The following OSBPL1A variants were observed in gnomAD, a reference collection of about 807,000 sequenced individuals.
OSBPL1A encodes oxysterol-binding protein-related protein 1.
OSBPL1A carries 80 observed loss-of-function variants against 137.1 expected under a neutral mutation model. The ratio of observed to expected loss-of-function variants is 0.58; its 90% CI spans 0.49 to 0.70. OSBPL1A has a LOEUF of 0.70. Among genes scored for constraint, OSBPL1A ranks in the 30% least tolerant of loss-of-function variants. The probability of loss-of-function intolerance (pLI) is 0.00; values close to 1 mark genes in which losing one functional copy is unlikely to be tolerated. For missense variants in OSBPL1A, 970 were observed against 1,129.4 expected (o/e 0.86, Z 2.02); for synonymous variants, 365 against 389.7 (o/e 0.94, Z 0.75).
intron 15 of OSBPL1A, among the ~76,000 whole-genome samples, chr18:24,249,479 C>G (rs373124822): frequency 6.6e-6 from 1 of 152,182 alleles, no homozygotes; most frequent in South Asian, 2.1e-4. Flanking sequence ...AATCACAGCA[C>G]CTGATTTCAT....
At chr18:24,349,141 TGG>T (rs2091396817) in intron 4 of OSBPL1A, among the ~76,000 whole-genome samples, 1 of 152,024 alleles carries the variant, frequency 6.6e-6, no homozygotes, top group South Asian at 2.1e-4. Context: ...CCATCCAGCC[TGG>T]GAGACAGAGT....
intron 14 of OSBPL1A, among the ~76,000 whole-genome samples, chr18:24,288,761 TCTC>T: frequency 1.1e-5 from 1 of 89,818 alleles, no homozygotes; most frequent in African/African-American, 4.8e-5. Flanking sequence ...AGCAAGACTG[TCTC>T]AAAAAAAAAA....
chr18:24,387,194 A>G (rs1050567413), intron 1 of OSBPL1A, among the ~76,000 whole-genome samples: 1 of 152,058 alleles, frequency 6.6e-6, no homozygotes, highest in Non-Finnish European at 1.5e-5. Context: ...CTGAGACTAC[A>G]GGTGCACACA....
intron 7 of OSBPL1A, among the ~76,000 whole-genome samples, chr18:24,322,327 T>C (rs1347721305): frequency 6.6e-6 from 1 of 151,544 alleles, no homozygotes; most frequent in African/African-American, 2.4e-5. Context: ...TTCACTGTGT[T>C]AGCCAGGATG....
chr18:24,336,954 G>A (rs1400519046), intron 5 of OSBPL1A, among the ~76,000 whole-genome samples: 1 of 152,110 alleles, frequency 6.6e-6, no homozygotes, highest in Non-Finnish European at 1.5e-5. Flanking sequence ...TCTCCCTGCA[G>A]GTCATTTATT....
chr18:24,379,489 C>T (rs1350776655), intron 1 of OSBPL1A, among the ~76,000 whole-genome samples: 1 of 149,492 alleles, frequency 6.7e-6, no homozygotes, highest in Non-Finnish European at 1.5e-5. Flanking sequence ...CACTGCACTC[C>T]AGCCTGGGTG....
intron 14 of OSBPL1A, among the ~76,000 whole-genome samples, chr18:24,291,767 A>AG (rs1355001439): frequency 3.0e-5 from 3 of 101,620 alleles, no homozygotes; most frequent in African/African-American, 1.4e-4. Context: ...CTTGGGGGAC[A>AG]GGGAAAAAAA....
chr18:24,393,609 C>T lies in OSBPL1A; in HGVS notation c.-3+4046G>A, dbSNP rs925955863. Among the ~76,000 whole-genome samples the T allele has an allele frequency of 3.9e-5, 6 of 152,246 alleles. No homozygotes were observed. In the South Asian group the frequency reaches 6.2e-4, roughly 16 times the overall value. On this transcript the variant is annotated intron_variant, in intron 1 of 27. Coordinates refer to ENST00000319481, the MANE Select transcript of OSBPL1A (RefSeq NM_080597.4). ...CTGGGACTACAGCTGCCCGCCACCA[C>T]GCCTGGCTAATTTTTTGTAGTTTTT...
chr18:24,333,650 C>T lies in OSBPL1A; in HGVS notation c.481-564G>A, dbSNP rs184844499. Among the ~76,000 whole-genome samples, 28 of 152,280 alleles carry T rather than the reference C, an allele frequency of 1.8e-4. No individual in the cohort carries two copies. The East Asian group carries it at 4.2e-3, about 23-fold the overall frequency. On this transcript the variant is annotated intron_variant, in intron 6 of 27. Coordinates refer to ENST00000319481, the MANE Select transcript of OSBPL1A (RefSeq NM_080597.4). ...AATAACTTTAAAGCAAATGGCAGTG[C>T]TTCAGTCATGAATTCAGAACAAATT...
chr18:24,202,116 C>T (rs1286068974), intron 17 of OSBPL1A, among the ~76,000 whole-genome samples: 1 of 151,988 alleles, frequency 6.6e-6, no homozygotes, highest in African/African-American at 2.4e-5. Context: ...GGCAGGAGGT[C>T]GGGGAGGTGT....
At chr18:24,296,429 C>T (rs576762455) in intron 14 of OSBPL1A, among the ~76,000 whole-genome samples, 2 of 152,138 alleles carry the variant, frequency 1.3e-5, no homozygotes, top group South Asian at 4.1e-4. Flanking sequence ...TTTCTAGGTG[C>T]GTGATCATAT....
chr18:24,375,016 G>T (rs192431743), intron 2 of OSBPL1A, among the ~76,000 whole-genome samples: 2 of 151,948 alleles, frequency 1.3e-5, no homozygotes, highest in African/African-American at 4.8e-5. Flanking sequence ...TATCAAAAAG[G>T]CTACTAAAAA....
intron 6 of OSBPL1A, 46 bp from the exon 7 acceptor site, chr18:24,333,132 A>T: frequency 6.3e-7 from 1 of 1,587,962 alleles, no homozygotes; most frequent in Non-Finnish European, 8.6e-7. Flanking sequence ...TCAAAGATAG[A>T]CTTTCCTCTC....
chr18:24,356,983 A>T lies in OSBPL1A; in HGVS notation c.282+9909T>A, dbSNP rs1339203829. The T allele has an allele frequency of 5.3e-5, 8 of 152,296 alleles. No homozygotes were observed. The East Asian group carries it at 1.4e-3, about 26-fold the overall frequency. The allele number at this position is 152,296 out of a possible 1,614,324, so 9.4% of individuals were successfully genotyped here. ...CCTTTTCTATCCCTATTAGGAAAAA[A>T]AATCAAAGACAGTTTGGATTCACAT... On this transcript the variant is annotated intron_variant, in intron 4 of 27. Coordinates refer to ENST00000319481, the MANE Select transcript of OSBPL1A (RefSeq NM_080597.4).
At chr18:24,233,641 T>TTC (rs904878076) in intron 16 of OSBPL1A, among the ~76,000 whole-genome samples, 4 of 151,568 alleles carry the variant, frequency 2.6e-5, no homozygotes, top group African/African-American at 9.7e-5. Flanking sequence ...CTTTCTCTCT[T>TTC]TCTCTCTCTC....
Position 24,271,520 on chromosome 18 carries a change from C to A in OSBPL1A, c.1281+9322G>T. The A allele has an allele frequency of 1.0e-6, 1 of 975,900 alleles. No individual in the cohort carries two copies. The highest frequency in any genetic ancestry group is 1.2e-6 in the Non-Finnish European group (1 of 821,238). The allele number at this position is 975,900 out of a possible 1,614,324, so 60.5% of individuals were successfully genotyped here. A position where few individuals can be genotyped will look rare whatever the true frequency, so the allele number is the denominator to read the frequency against. ...CAACTATTCTTGGATCTACTCACATCCCTGGATCAAGTCTGGCCGCCCTCC... is the reference window on the plus strand; with the variant it reads ...CAACTATTCTTGGATCTACTCACATACCTGGATCAAGTCTGGCCGCCCTCC... On this transcript the variant is annotated intron_variant, in intron 15 of 27. Coordinates refer to ENST00000319481, the MANE Select transcript of OSBPL1A (RefSeq NM_080597.4). The surrounding 1 kb of genome is among the most constrained non-coding windows in gnomAD (Gnocchi z 4.0).
intron 17 of OSBPL1A, among the ~76,000 whole-genome samples, chr18:24,203,400 C>T (rs942403783): frequency 2.0e-5 from 3 of 152,208 alleles, no homozygotes; most frequent in African/African-American, 7.2e-5. Flanking sequence ...CCCCTCTTCA[C>T]ACAAACAAGG....
chr18:24,264,428 G>A (rs66790047), intron 15 of OSBPL1A, among the ~76,000 whole-genome samples: 53 of 152,044 alleles, frequency 3.5e-4, no homozygotes, highest in Admixed American at 1.2e-3. Flanking sequence ...AGGGTGTAAC[G>A]CCAACTTATA....
chr18:24,173,295 G>C (rs2086338942), intron 21 of OSBPL1A, among the ~76,000 whole-genome samples: 1 of 151,920 alleles, frequency 6.6e-6, no homozygotes, highest in Non-Finnish European at 1.5e-5. Flanking sequence ...ATAAGTATTG[G>C]GTACTACGCT....
Sources: allele counts gnomAD v4.1 joint callset (sites outside exome capture counted in the v4.1 genomes callset), GRCh38; gene constraint gnomAD v4.1.1; non-coding constraint Gnocchi (gnomAD v3.1); transcripts MANE v1.5; gene names NCBI Gene and HGNC (gene_info 2026-07-23, HGNC 2026-07-21).